NWD1: variants seen among roughly 807,000 people sequenced by gnomAD.
NWD1 encodes the protein NACHT domain- and WD repeat-containing protein 1.
A neutral mutation model predicts 135.1 loss-of-function variants in NWD1; 129 were observed. That is an observed-to-expected ratio of 0.96 (90% CI 0.83 to 1.11). The LOEUF (loss-of-function observed/expected upper bound fraction) is 1.11, where lower values mean the gene tolerates loss of function less well. NWD1 is among the 50% of genes least tolerant of loss of function. The pLI, the probability that NWD1 is intolerant of heterozygous loss-of-function variation, is 0.00. For synonymous variants in NWD1, 773 were observed against 786.0 expected, an observed-to-expected ratio of 0.98 and a Z score of 0.28; for missense variants, 1,740 against 1,851.3, an observed-to-expected ratio of 0.94 and a Z score of 1.10.
intron 1 of NWD1, among the ~76,000 whole-genome samples, 185 bp from the exon 2 acceptor site, chr19:16,724,181 A>T (rs1003337279): frequency 1.3e-5 from 2 of 152,214 alleles, no homozygotes; most frequent in Non-Finnish European, 2.9e-5. Context: ...TAGAATCAAT[A>T]TCACTGTTTT....
chr19:16,801,979 T>A (rs1176671813), intron 17 of NWD1, among the ~76,000 whole-genome samples: 1 of 151,586 alleles, frequency 6.6e-6, no homozygotes, highest in Non-Finnish European at 1.5e-5. Flanking sequence ...AACATGGACC[T>A]TGTCGCAATA....
At chr19:16,780,438 G>A (rs1387899083) in intron 12 of NWD1, among the ~76,000 whole-genome samples, 1 of 152,160 alleles carries the variant, frequency 6.6e-6, no homozygotes, top group South Asian at 2.1e-4. Context: ...TTACAGGCGT[G>A]AGCCACCGTG....
chr19:16,733,513 T>G (rs1444373620), intron 3 of NWD1, among the ~76,000 whole-genome samples: 4 of 83,078 alleles, frequency 4.8e-5, no homozygotes, highest in Non-Finnish European at 1.1e-4. Flanking sequence ...AGAATGAGAT[T>G]CTGTCTCAAA....
intron 16 of NWD1, among the ~76,000 whole-genome samples, chr19:16,798,617 A>T (rs1287421497): frequency 6.6e-6 from 1 of 152,128 alleles, no homozygotes; most frequent in Non-Finnish European, 1.5e-5. Flanking sequence ...TCTCCAAAAA[A>T]ATAAGAATAA....
chr19:16,745,255 A>G (rs961825881), intron 5 of NWD1: 7 of 333,756 alleles, frequency 2.1e-5, no homozygotes, highest in Non-Finnish European at 4.1e-5. Context: ...ACTATCCCCC[A>G]TGATTCAATT....
chr19:16,779,143 G>A (rs1020579111), intron 11 of NWD1, among the ~76,000 whole-genome samples, 200 bp from the exon 12 acceptor site: 1 of 152,156 alleles, frequency 6.6e-6, no homozygotes, highest in Middle Eastern at 3.2e-3. Context: ...AGAGCGAAGT[G>A]AATGTCACAG....
Position 16,763,699 on chromosome 19 carries a change from A to C in NWD1, c.2134-129A>C, listed in dbSNP as rs148176553. 4.3e-4 allele frequency: 284 copies of C among 657,196 alleles called. No homozygotes were observed. In the African/African-American group the frequency reaches 4.5e-3, roughly 10 times the overall value. 40.7% of individuals were successfully genotyped at this position (657,196 alleles called of 1,614,324 possible). A position where few individuals can be genotyped will look rare whatever the true frequency, so the allele number is the denominator to read the frequency against. On this transcript the variant is annotated intron_variant, in intron 8 of 18. Coordinates refer to ENST00000524140, the MANE Select transcript of NWD1 (RefSeq NM_001007525.5). ...CCCTGACCAATGGGCACATGGGGGTATGTCTGTCTTCCATTGCATTCTCGT... is the reference window on the plus strand; with the variant it reads ...CCCTGACCAATGGGCACATGGGGGTCTGTCTGTCTTCCATTGCATTCTCGT...
chr19:16,794,558 C>T lies in NWD1; in HGVS notation c.3304+5C>T, dbSNP rs1277817087. ...ATGAGTCCCTCCTCGCCGCAGGTAG[C>T]GTTTAGCTCTCATTTGGAGTAGTGA... On this transcript the variant is annotated splice_donor_5th_base_variant and intron_variant, in intron 15 of 18. Transcript: ENST00000524140. 6.3e-6 allele frequency: 10 copies of T among 1,581,794 alleles called. No individual in the cohort carries two copies. Among genetic ancestry groups the T allele is most frequent in the Admixed American group, 1.7e-5 (1 of 58,074 alleles).
At chr19:16,769,361 C>G (rs1969335322) in intron 10 of NWD1, among the ~76,000 whole-genome samples, 1 of 151,896 alleles carries the variant, frequency 6.6e-6, no homozygotes, top group African/African-American at 2.4e-5. Flanking sequence ...ACTCGGGAGG[C>G]TGAGGCAGGA....
chr19:16,815,117 T>C lies in NWD1; in HGVS notation c.*78T>C. 2 of 1,413,500 alleles carry C rather than the reference T, an allele frequency of 1.4e-6. No individual in the cohort carries two copies. The highest frequency in any genetic ancestry group is 1.0e-6 in the Non-Finnish European group (1 of 996,920). 87.6% of individuals were successfully genotyped at this position (1,413,500 alleles called of 1,614,324 possible). The stretch of plus-strand genomic sequence containing the variant: ...CTTCATTGCCCCCACCAGGCATGGT[T>C]ATCTGATCCGAGAGAATTTCCAGTG... On this transcript the variant is annotated 3_prime_UTR_variant, in exon 19 of 19. Coordinates refer to ENST00000524140, the MANE Select transcript of NWD1 (RefSeq NM_001007525.5).
rs190197754 is a variant in NWD1 at position 16,737,714 on chromosome 19, C to T, written c.198+964C>T. On this transcript the variant is annotated intron_variant, in intron 4 of 18. Transcript: ENST00000524140. ...GGGGGCCGGGCGTGGTGGCTCACAC[C>T]TGTAATCCCAGCACTTTGGGAGGCC... Among the ~76,000 whole-genome samples the T allele has an allele frequency of 6.1e-3, 926 of 151,852 alleles. 10 individuals carry two copies. Among genetic ancestry groups the T allele is most frequent in the Non-Finnish European group, 9.2e-3 (628 of 67,950 alleles).
At chr19:16,755,338 C>A (rs1437904450) in intron 6 of NWD1, among the ~76,000 whole-genome samples, 1 of 152,104 alleles carries the variant, frequency 6.6e-6, no homozygotes, top group Non-Finnish European at 1.5e-5. Context: ...ATCTCAGCCC[C>A]CTCTGAGTAG....
chr19:16,722,985 G>A (rs1967193292), intron 1 of NWD1, among the ~76,000 whole-genome samples: 1 of 152,032 alleles, frequency 6.6e-6, no homozygotes, highest in South Asian at 2.1e-4. Flanking sequence ...AACTTCACTG[G>A]GAGGGGACGA....
At chr19:16,732,252 C>T (rs958403016) in intron 3 of NWD1, among the ~76,000 whole-genome samples, 1 of 150,112 alleles carries the variant, frequency 6.7e-6, no homozygotes, top group African/African-American at 2.4e-5. Context: ...GGAGGGGTTA[C>T]AGCCATGTGC....
At chr19:16,809,553 CTTTTTCTTTTTT>C (rs796132875) in intron 18 of NWD1, among the ~76,000 whole-genome samples, 4,544 of 135,148 alleles carry the variant, frequency 0.034, 243 homozygotes, top group African/African-American at 0.12. Flanking sequence ...TTTTCTTTTT[CTTTTTCTTTTTT>C]TTTTTTTGAG....
intron 3 of NWD1, among the ~76,000 whole-genome samples, chr19:16,735,772 A>G (rs1057484745): frequency 6.7e-6 from 1 of 149,858 alleles, no homozygotes; most frequent in Non-Finnish European, 1.5e-5. Context: ...AAAATTTACA[A>G]TGAGCCAAGA....
intron 4 of NWD1, among the ~76,000 whole-genome samples, chr19:16,741,591 A>T (rs1599445325): frequency 6.7e-6 from 1 of 149,596 alleles, no homozygotes; most frequent in East Asian, 2.0e-4. Context: ...CTGGTCTCGA[A>T]CTCCTGACCT....
intron 14 of NWD1, among the ~76,000 whole-genome samples, 184 bp downstream of exon 14, chr19:16,791,806 C>T (rs1191291324): frequency 6.6e-6 from 1 of 152,168 alleles, no homozygotes; most frequent in Non-Finnish European, 1.5e-5. Flanking sequence ...CTCCGCCTCT[C>T]GGGTTCAAGC....
intron 17 of NWD1, among the ~76,000 whole-genome samples, chr19:16,805,403 A>G (rs1970719764): frequency 6.6e-6 from 1 of 152,028 alleles, no homozygotes; most frequent in Non-Finnish European, 1.5e-5. Flanking sequence ...TATCTTGCCC[A>G]GGGTGGTCTT....
Sources: allele counts gnomAD v4.1 joint callset (sites outside exome capture counted in the v4.1 genomes callset), GRCh38; gene constraint gnomAD v4.1.1; transcripts MANE v1.5; gene names NCBI Gene and HGNC (gene_info 2026-07-23, HGNC 2026-07-21).